LHFPL3: variants seen among roughly 807,000 people sequenced by gnomAD.
LHFPL3 encodes LHFPL tetraspan subfamily member 3, also known as LHFPL tetraspan subfamily member 3 protein.
Under a neutral mutation model 19.3 loss-of-function variants are expected in LHFPL3, and 5 were observed. That is an observed-to-expected ratio of 0.26 (90% CI 0.14 to 0.54). LHFPL3 has a LOEUF of 0.54. Ranked by LOEUF, LHFPL3 falls within the 20% of genes least tolerant of loss-of-function variation. The pLI is 0.94. For synonymous variants in LHFPL3, 133 were observed against 126.2 expected, an observed-to-expected ratio of 1.05 and a Z score of -0.36; for missense variants, 249 against 307.4, an observed-to-expected ratio of 0.81 and a Z score of 1.42.
rs71153193 is a variant in LHFPL3 at position 104,396,642 on chromosome 7, G to GAAA, written c.445+67431_445+67433dup. Among the ~76,000 whole-genome samples, 469 of 137,504 alleles carry GAAA rather than the reference G, an allele frequency of 3.4e-3. 3 individuals carry two copies. The highest frequency in any genetic ancestry group is 0.027 in the South Asian group (117 of 4,376). The allele number at this position is 137,504 out of a possible 152,430, so 90.2% of individuals were successfully genotyped here. ...TGCCATGAAATATGGTACAAAATTAGAAAAAAAAAAAAAAAGATAAAAAGT... is the reference window on the plus strand; with the variant it reads ...TGCCATGAAATATGGTACAAAATTAGAAAAAAAAAAAAAAAAAAGATAAAAAGT... On this transcript the variant is annotated intron_variant, in intron 1 of 2. Transcript: ENST00000424859.
chr7:104,702,934 A>G (rs1165289227), intron 1 of LHFPL3, among the ~76,000 whole-genome samples: 1 of 152,206 alleles, frequency 6.6e-6, no homozygotes, highest in Non-Finnish European at 1.5e-5. Flanking sequence ...GCTGTCAATA[A>G]CAATCCTCCC....
At chr7:104,533,304 G>T (rs1794337061) in intron 1 of LHFPL3, among the ~76,000 whole-genome samples, 1 of 151,874 alleles carries the variant, frequency 6.6e-6, no homozygotes, top group South Asian at 2.1e-4. Context: ...TTACCTTTTT[G>T]AAATTCTTCA....
chr7:104,700,384 G>T (rs1275230992), intron 1 of LHFPL3, among the ~76,000 whole-genome samples: 2 of 152,146 alleles, frequency 1.3e-5, no homozygotes, highest in African/African-American at 2.4e-5. Flanking sequence ...GAGAAATCCA[G>T]TCAAGGTCGT....
At chr7:104,358,208 T>C (rs557961604) in intron 1 of LHFPL3, among the ~76,000 whole-genome samples, 1 of 152,178 alleles carries the variant, frequency 6.6e-6, no homozygotes, top group Non-Finnish European at 1.5e-5. Flanking sequence ...CTAGGAAACA[T>C]GAAAAAGTGT....
intron 1 of LHFPL3, among the ~76,000 whole-genome samples, chr7:104,553,219 G>T (rs1794693902): frequency 6.6e-6 from 1 of 152,092 alleles, no homozygotes; most frequent in African/African-American, 2.4e-5. Flanking sequence ...TTTCCCAAGA[G>T]AAACAACATT....
intron 1 of LHFPL3, among the ~76,000 whole-genome samples, chr7:104,375,364 AAAT>A (rs1790693738): frequency 6.6e-6 from 1 of 152,158 alleles, no homozygotes. Flanking sequence ...AACAAAAAAG[AAAT>A]AATAATATAA....
In LHFPL3 at chr7:104,399,768, G is replaced by A. The variant is rs1209267323; in HGVS notation, c.445+70544G>A. On this transcript the variant is annotated intron_variant, in intron 1 of 2. Coordinates refer to ENST00000424859, the MANE Select transcript of LHFPL3 (RefSeq NM_199000.3). This position sits in a 1 kb window ranked among gnomAD's most constrained non-coding sequence, Gnocchi z 4.4. ...ATTACAGTTGTAAGCCACTGCGCCCGGCCATATGTTCTTCTGTCCTTAAGG... is the reference window on the plus strand; with the variant it reads ...ATTACAGTTGTAAGCCACTGCGCCCAGCCATATGTTCTTCTGTCCTTAAGG... 6.6e-6 allele frequency among the ~76,000 whole-genome samples: 1 copy of A among 150,504 alleles called. No homozygotes were observed. The highest frequency in any genetic ancestry group is 1.5e-5 in the Non-Finnish European group (1 of 67,756).
chr7:104,713,049 T>C (rs1793324447), intron 1 of LHFPL3, among the ~76,000 whole-genome samples: 1 of 152,090 alleles, frequency 6.6e-6, no homozygotes, highest in African/African-American at 2.4e-5. Context: ...TCAAGAAAAA[T>C]AGGGATCAGT....
chr7:104,864,778 A>G (rs1791688809), intron 2 of LHFPL3, among the ~76,000 whole-genome samples: 1 of 152,208 alleles, frequency 6.6e-6, no homozygotes, highest in Non-Finnish European at 1.5e-5. Context: ...AGATCTGAGA[A>G]CAGACAGACT....
At chr7:104,796,285 T>G (rs942367970) in intron 2 of LHFPL3, among the ~76,000 whole-genome samples, 2 of 152,186 alleles carry the variant, frequency 1.3e-5, no homozygotes, top group African/African-American at 4.8e-5. Context: ...TCAACCATTG[T>G]GTAGGGAAGA....
intron 2 of LHFPL3, among the ~76,000 whole-genome samples, chr7:104,744,929 G>T (rs1028836403): frequency 6.6e-6 from 1 of 152,060 alleles, no homozygotes; most frequent in Non-Finnish European, 1.5e-5. Flanking sequence ...CTCATCAGGT[G>T]TCACAACTTT....
intron 2 of LHFPL3, among the ~76,000 whole-genome samples, chr7:104,871,164 C>T (rs1051046507): frequency 6.6e-6 from 1 of 152,232 alleles, no homozygotes; most frequent in Non-Finnish European, 1.5e-5. Context: ...CTTACACAGA[C>T]ATAGACGGTC....
At chr7:104,829,094 T>C (rs1790882063) in intron 2 of LHFPL3, among the ~76,000 whole-genome samples, 1 of 151,776 alleles carries the variant, frequency 6.6e-6, no homozygotes, top group East Asian at 1.9e-4. Flanking sequence ...GCTCAGATTG[T>C]GGTTTGGCCT....
intron 1 of LHFPL3, among the ~76,000 whole-genome samples, chr7:104,552,737 A>G (rs1337223890): frequency 6.6e-6 from 1 of 152,218 alleles, no homozygotes; most frequent in African/African-American, 2.4e-5. Context: ...TAATGGAAAT[A>G]TTTTAAGTGT....
chr7:104,389,484 C>T (rs1188129483), intron 1 of LHFPL3, among the ~76,000 whole-genome samples: 2 of 152,260 alleles, frequency 1.3e-5, no homozygotes, highest in Non-Finnish European at 1.5e-5. Context: ...TCCAAACCTC[C>T]AGTGGTTCCT....
At chr7:104,748,700 C>T (rs1012472931) in intron 2 of LHFPL3, among the ~76,000 whole-genome samples, 1 of 152,100 alleles carries the variant, frequency 6.6e-6, no homozygotes, top group Non-Finnish European at 1.5e-5. Context: ...TGGAGAAACA[C>T]CCACAAATGA....
intron 1 of LHFPL3, among the ~76,000 whole-genome samples, chr7:104,567,125 C>T (rs1187495974): frequency 6.6e-6 from 1 of 152,218 alleles, no homozygotes; most frequent in Non-Finnish European, 1.5e-5. Context: ...TTAGATGGTA[C>T]TGTCTTTCAC....
At chr7:104,685,222 C>T (rs1240031127) in intron 1 of LHFPL3, among the ~76,000 whole-genome samples, 1 of 152,190 alleles carries the variant, frequency 6.6e-6, no homozygotes, top group Admixed American at 6.5e-5. Context: ...TGGCACATGC[C>T]TGTAGTCCCA....
chr7:104,791,838 T>C (rs1562794659), intron 2 of LHFPL3, among the ~76,000 whole-genome samples: 1 of 152,184 alleles, frequency 6.6e-6, no homozygotes, highest in East Asian at 1.9e-4. Flanking sequence ...TCACCTGGCC[T>C]GTCAAACTAG....
Sources: gnomAD v4.1 joint callset for allele counts (sites outside exome capture counted in the v4.1 genomes callset) on GRCh38, gnomAD v4.1.1 for gene constraint, Gnocchi (gnomAD v3.1) non-coding constraint, MANE v1.5 for transcripts, NCBI Gene and HGNC (gene_info 2026-07-23, HGNC 2026-07-21) for gene names.